Variants in MALRD1 observed in about 807,000 individuals in gnomAD.
The protein encoded by MALRD1 is MAM and LDL receptor class A domain containing 1.
Under a neutral mutation model 242.1 loss-of-function variants are expected in MALRD1, and 247 were observed. The observed-to-expected ratio is 1.02, with a 90% CI of 0.92 to 1.13. MALRD1 has a LOEUF of 1.13. Ranked by LOEUF, MALRD1 falls within the 50% of genes most tolerant of loss-of-function variation. The pLI is 0.00. For synonymous variants in MALRD1, 995 were observed against 866.6 expected, an observed-to-expected ratio of 1.15 and a Z score of -2.60; for missense variants, 2,989 against 2,533.1, an observed-to-expected ratio of 1.18 and a Z score of -3.86.
At chr10:19,459,201 G>C (rs982348126) in intron 29 of MALRD1, among the ~76,000 whole-genome samples, 1 of 152,114 alleles carries the variant, frequency 6.6e-6, no homozygotes, top group African/African-American at 2.4e-5. Context: ...TAAGAGAGAA[G>C]TATACTTACC....
In MALRD1 at chr10:19,298,140, C is replaced by T. The variant is rs146308434; in HGVS notation, c.3419+14959C>T. ...AGTTTCTGGTGAGGAATTTGTGCTA[C>T]ATCAAAACATAGCAGAAAAGGCCAA... On this transcript the variant is annotated intron_variant, in intron 21 of 39. Coordinates refer to ENST00000454679, the MANE Select transcript of MALRD1 (RefSeq NM_001142308.3). 2.0e-3 allele frequency among the ~76,000 whole-genome samples: 309 copies of T among 151,990 alleles called. 2 individuals are homozygous for T. The highest frequency in any genetic ancestry group is 7.0e-3 in the African/African-American group (292 of 41,468).
chr10:19,233,879 T>C (rs1432948906), intron 18 of MALRD1, among the ~76,000 whole-genome samples: 1 of 152,102 alleles, frequency 6.6e-6, no homozygotes, highest in Non-Finnish European at 1.5e-5. Context: ...GTTGCATTTG[T>C]ATAAGGTTTC....
intron 36 of MALRD1, among the ~76,000 whole-genome samples, chr10:19,655,513 CATATATATGTGTGAGTGTATATATATAT>C (rs1841103880): frequency 1.1e-5 from 1 of 88,356 alleles, no homozygotes; most frequent in Non-Finnish European, 2.6e-5. Flanking sequence ...TGTGTGTGTA[CATATATATGTGTGAGTGTATATATATAT>C]ATATATATAT....
intron 32 of MALRD1, among the ~76,000 whole-genome samples, chr10:19,565,329 G>T (rs181187796): frequency 1.3e-5 from 2 of 152,138 alleles, no homozygotes; most frequent in East Asian, 1.9e-4. Context: ...AAAATAAACT[G>T]TAAAACCAAT....
chr10:19,639,705 C>T (rs563310003), intron 36 of MALRD1, among the ~76,000 whole-genome samples: 1 of 152,266 alleles, frequency 6.6e-6, no homozygotes, highest in African/African-American at 2.4e-5. Flanking sequence ...TTAGTATGCT[C>T]TCTGATCCTA....
chr10:19,301,333 C>T (rs1841942694), intron 21 of MALRD1, among the ~76,000 whole-genome samples: 2 of 151,718 alleles, frequency 1.3e-5, no homozygotes, highest in Non-Finnish European at 2.9e-5. Context: ...GCAGAATTAC[C>T]ATTCAATCCA....
At chr10:19,086,463 G>A (rs2358300) in intron 2 of MALRD1, among the ~76,000 whole-genome samples, 90,076 of 151,886 alleles carry the variant, frequency 0.59, 27,808 homozygotes, top group African/African-American at 0.78. Flanking sequence ...AGCATCACAG[G>A]AAATCTATGA....
chr10:19,203,852 T>A lies in MALRD1; in HGVS notation c.2076T>A (p.Pro692=). 1 of 1,550,504 alleles carries A rather than the reference T, an allele frequency of 6.4e-7. No individual in the cohort carries two copies. The highest frequency in any genetic ancestry group is 8.7e-7 in the Non-Finnish European group (1 of 1,146,934). ...LSADFEHQAP[P]RDHSLNASQG... is the part of the protein sequence containing the mutation. The stretch of plus-strand genomic sequence containing the variant: ...CTGATTTTGAGCACCAGGCTCCACC[T>A]CGGGATCATAGTCTCAACGCATCTC... Residue 692 remains proline, a synonymous_variant, in exon 15 of 40, where the codon CCT becomes CCA. Transcript: ENST00000454679.
intron 38 of MALRD1, among the ~76,000 whole-genome samples, chr10:19,696,249 C>G (rs1176578304): frequency 6.6e-6 from 1 of 152,152 alleles, no homozygotes; most frequent in African/African-American, 2.4e-5. Flanking sequence ...TTTTCTCATT[C>G]CTAGTATGGG....
intron 24 of MALRD1, 138 bp from the exon 25 acceptor site, chr10:19,347,633 T>C: frequency 9.8e-7 from 1 of 1,015,622 alleles, no homozygotes; most frequent in Non-Finnish European, 1.4e-6. Context: ...ATAGTCTCTT[T>C]ATATGTTGCT....
chr10:19,548,951 A>T (rs1055979713), intron 32 of MALRD1, among the ~76,000 whole-genome samples: 1 of 152,214 alleles, frequency 6.6e-6, no homozygotes, highest in African/African-American at 2.4e-5. Flanking sequence ...CAAGTTGGGG[A>T]TGCAAGGGAA....
chr10:19,334,174 C>A (rs1843510729), intron 24 of MALRD1, among the ~76,000 whole-genome samples: 1 of 133,830 alleles, frequency 7.5e-6, no homozygotes, highest in African/African-American at 2.8e-5. Context: ...AATTAGGTCC[C>A]ACTTCTCAAG....
intron 26 of MALRD1, among the ~76,000 whole-genome samples, chr10:19,359,387 C>G (rs1844789055): frequency 6.6e-6 from 1 of 152,044 alleles, no homozygotes; most frequent in African/African-American, 2.4e-5. Flanking sequence ...CAAGAAAAAT[C>G]ACAAGTTCCA....
At chr10:19,454,692 C>T (rs1012318241) in intron 29 of MALRD1, among the ~76,000 whole-genome samples, 23 of 142,554 alleles carry the variant, frequency 1.6e-4, no homozygotes, top group Admixed American at 5.8e-4. Flanking sequence ...CGTTGTAAAT[C>T]GAGGACTGTC....
At chr10:19,177,754 A>G (rs1198899884) in intron 14 of MALRD1, among the ~76,000 whole-genome samples, 2 of 152,102 alleles carry the variant, frequency 1.3e-5, no homozygotes, top group Non-Finnish European at 1.5e-5. Context: ...ATGTGATCGG[A>G]CAAAAGGGTA....
At position 19,450,596 on chromosome 10, in the gene MALRD1, A is replaced by C. The variant is rs185022261; in HGVS notation, c.5029+106A>C. On this transcript the variant is annotated intron_variant, in intron 29 of 39. Transcript: ENST00000454679. ...CTTTACTGTTATGTATTTTGTACAC[A>C]TACACAAATCAATGGAAAGGTATAA... The C allele has an allele frequency of 1.2e-4, 118 of 965,470 alleles. No individual in the cohort carries two copies. In the African/African-American group the frequency reaches 1.7e-3, roughly 14 times the overall value. The allele number at this position is 965,470 out of a possible 1,614,324, so 59.8% of individuals were successfully genotyped here. A position where few individuals can be genotyped will look rare whatever the true frequency, so the allele number is the denominator to read the frequency against.
intron 36 of MALRD1, among the ~76,000 whole-genome samples, chr10:19,622,405 C>A (rs1194424640): frequency 6.6e-6 from 1 of 151,428 alleles, no homozygotes. Context: ...ATTAGAAATA[C>A]ATTTAATAAA....
chr10:19,653,395 C>T (rs1441483246), intron 36 of MALRD1, among the ~76,000 whole-genome samples: 1 of 152,030 alleles, frequency 6.6e-6, no homozygotes, highest in Admixed American at 6.6e-5. Context: ...AGGGAGGTCT[C>T]ACTGTGTTAC....
chr10:19,583,463 C>A (rs998647561), intron 33 of MALRD1, among the ~76,000 whole-genome samples: 10 of 150,214 alleles, frequency 6.7e-5, no homozygotes, highest in Admixed American at 2.0e-4. Flanking sequence ...AAGGCCTTTT[C>A]TGCATCTATT....
Sources: gnomAD v4.1 joint callset for allele counts (sites outside exome capture counted in the v4.1 genomes callset) on GRCh38, gnomAD v4.1.1 for gene constraint, MANE v1.5 for transcripts, NCBI Gene and HGNC (gene_info 2026-07-23, HGNC 2026-07-21) for gene names.